The following C12orf76 variants were observed in gnomAD, a reference collection of about 807,000 sequenced individuals.
C12orf76 encodes the protein chromosome 12 open reading frame 76.
A neutral mutation model predicts 6.8 loss-of-function variants in C12orf76; 6 were observed. That is an observed-to-expected ratio of 0.88 (90% CI 0.48 to 1.73). The LOEUF (loss-of-function observed/expected upper bound fraction) is 1.73, where lower values mean the gene tolerates loss of function less well. Among genes scored for constraint, C12orf76 ranks in the 40% most tolerant of loss-of-function variants. The pLI, the probability that C12orf76 is intolerant of heterozygous loss-of-function variation, is 0.01. For missense variants in C12orf76, 99 were observed against 98.2 expected (o/e 1.01, Z -0.03); for synonymous variants, 56 against 43.7 (o/e 1.28, Z -1.11).
chr12:110,057,455 A>G (rs79078371), intron 3 of C12orf76, among the ~76,000 whole-genome samples: 2,573 of 152,228 alleles, frequency 0.017, 35 homozygotes, highest in South Asian at 0.053. Flanking sequence ...CGGCACGGAG[A>G]AGCTGAGCAT....
chr12:110,065,094 C>T (rs1892835822), intron 2 of C12orf76, among the ~76,000 whole-genome samples: 1 of 151,486 alleles, frequency 6.6e-6, no homozygotes, highest in South Asian at 2.1e-4. Flanking sequence ...TGCCTGAGAT[C>T]CTTTATTTAT....
intron 4 of C12orf76, chr12:110,057,048 T>C (rs1593248109): frequency 3.1e-6 from 2 of 636,594 alleles, no homozygotes; most frequent in East Asian, 2.8e-5. Flanking sequence ...GAAATAAGGA[T>C]GGAGGGTGAG....
chr12:110,045,937 C>A, intron 1 of C12orf76: 1 of 218,336 alleles, frequency 4.6e-6, no homozygotes, highest in Non-Finnish European at 9.9e-6. Context: ...CCAGATTGGG[C>A]AACAGAGTGA....
chr12:110,069,834 G>A (rs1892939175), upstream of C12orf76, among the ~76,000 whole-genome samples: 1 of 152,182 alleles, frequency 6.6e-6, no homozygotes, highest in Non-Finnish European at 1.5e-5. Context: ...CATGGAACAT[G>A]TATAACTGAA....
chr12:110,068,329 AAGG>A (rs1179520999), upstream of C12orf76, among the ~76,000 whole-genome samples: 41 of 127,218 alleles, frequency 3.2e-4, 2 homozygotes, highest in South Asian at 9.3e-4. Context: ...GAAGAAGAAG[AAGG>A]CGGCCAAATA....
Position 110,048,385 on chromosome 12 carries a change from C to T in C12orf76, c.111G>A (p.Ala37=). The change falls in exon 1 of 2, where the codon GCG becomes GCA. Residue 37 remains alanine, a synonymous_variant. Coordinates refer to ENST00000615315, the MANE Select transcript of C12orf76 (RefSeq NM_001389625.1). ...CACCCAGGTTCTGCCCTCGCAGCAC[C>T]GCGTACGGCCGGCTCCGCTCCAGCG... ...VDPLERSRPY[A]VLRGQNLVLM... is the part of the protein sequence containing the mutation. 6.6e-7 allele frequency: 1 copy of T among 1,515,220 alleles called. No homozygotes were observed. The highest frequency in any genetic ancestry group is 8.8e-7 in the Non-Finnish European group (1 of 1,136,996). The allele number at this position is 1,515,220 out of a possible 1,614,324, so 93.9% of individuals were successfully genotyped here.
intron 1 of C12orf76, among the ~76,000 whole-genome samples, chr12:110,072,924 G>A (rs576159257): frequency 9.3e-5 from 14 of 150,966 alleles, no homozygotes; most frequent in South Asian, 2.1e-4. Flanking sequence ...CTCCAGCCTG[G>A]GGTACAAGAG....
chr12:110,047,509 G>C (rs562720237), intron 1 of C12orf76, among the ~76,000 whole-genome samples: 232 of 151,956 alleles, frequency 1.5e-3, no homozygotes, highest in Non-Finnish European at 2.9e-3. Flanking sequence ...TCTACAAAAA[G>C]TAAACAACAA....
At chr12:110,068,313 GAA>G (rs1892913429), upstream of C12orf76, among the ~76,000 whole-genome samples, 54 of 145,876 alleles carry the variant, frequency 3.7e-4, 2 homozygotes, top group African/African-American at 1.2e-3. Flanking sequence ...AGAAGAAGAA[GAA>G]GAAGAAGAAG....
At chr12:110,056,349 C>T (rs1892666181) in intron 4 of C12orf76, among the ~76,000 whole-genome samples, 1 of 152,116 alleles carries the variant, frequency 6.6e-6, no homozygotes, top group Non-Finnish European at 1.5e-5. Flanking sequence ...GACCTTTTTG[C>T]TCTAAGAGGC....
Position 110,048,476 on chromosome 12 carries a change from G to T in C12orf76, c.20C>A (p.Pro7Gln), listed in dbSNP as rs574102671. 5 of 1,458,456 alleles carry T rather than the reference G, an allele frequency of 3.4e-6. No individual in the cohort carries two copies. The African/African-American group carries it at 7.3e-5, about 21-fold the overall frequency. The allele number at this position is 1,458,456 out of a possible 1,614,324, so 90.3% of individuals were successfully genotyped here. A position where few individuals can be genotyped will look rare whatever the true frequency, so the allele number is the denominator to read the frequency against. MLRPAL[P>Q]WLYLGLCSLL... ...GCTGCAGAGGCCAAGGTACAGCCAC[G>T]GTAACGCTGGACGCAGCATCTTCCC... is the stretch of plus-strand genomic sequence containing the variant. Residue 7 changes from proline (P) to glutamine (Q), a missense_variant, in exon 1 of 2, where the codon CCG becomes CAG. Pro to Gln is a moderately conservative substitution (Grantham distance 76). Coordinates refer to ENST00000615315, the MANE Select transcript of C12orf76 (RefSeq NM_001389625.1).
exon 2 of C12orf76, chr12:110,065,920 A>C (rs1355444715): frequency 6.2e-7 from 1 of 1,613,668 alleles, no homozygotes. Context: ...CTTTGCATTT[A>C]CTGTTCTCTT....
intron 1 of C12orf76, among the ~76,000 whole-genome samples, chr12:110,066,774 C>T (rs575656971): frequency 3.9e-5 from 6 of 152,312 alleles, no homozygotes; most frequent in African/African-American, 1.4e-4. Context: ...CCCCGACCTC[C>T]GTGCTGGGCT....
upstream of C12orf76, chr12:110,050,716 TA>T (rs1343702723): frequency 8.9e-6 from 4 of 450,820 alleles, no homozygotes. Context: ...GAAATAATCA[TA>T]AAAATGCCTA....
rs2137209202 is a variant in C12orf76, at chr12:110,041,927, A to C, written c.*447T>G. On this transcript the variant is annotated 3_prime_UTR_variant, in exon 2 of 2. Transcript: ENST00000615315. ...GGCTAACTCAGGTGAGATTAAAAAA[A>C]AAAATCTGTGATTCTTAACCCACTG... is the stretch of plus-strand genomic sequence containing the variant. 1 of 164,106 alleles carries C rather than the reference A, an allele frequency of 6.1e-6. No individual in the cohort carries two copies. The allele number at this position is 164,106 out of a possible 1,614,324, so 10.2% of individuals were successfully genotyped here. A position where few individuals can be genotyped will look rare whatever the true frequency, so the allele number is the denominator to read the frequency against.
At chr12:110,045,438 T>C (rs1181442757) in intron 1 of C12orf76, among the ~76,000 whole-genome samples, 2 of 151,960 alleles carry the variant, frequency 1.3e-5, no homozygotes, top group Middle Eastern at 3.4e-3. Context: ...ATACAAAAAT[T>C]AGCTGGGCAT....
At chr12:110,047,416 C>T (rs1263972534) in intron 1 of C12orf76, among the ~76,000 whole-genome samples, 2 of 152,154 alleles carry the variant, frequency 1.3e-5, no homozygotes, top group African/African-American at 2.4e-5. Flanking sequence ...ACATCAGGTG[C>T]GGTGGCTCAC....
upstream of C12orf76, chr12:110,050,975 G>T (rs1036004894): frequency 1.3e-6 from 1 of 747,398 alleles, no homozygotes; most frequent in South Asian, 1.4e-5. Flanking sequence ...GTTGGGGTCC[G>T]TTAACACTAC....
In C12orf76 at chr12:110,042,268, A is replaced by C; in HGVS notation, c.*106T>G. 5 of 840,816 alleles carry C rather than the reference A, an allele frequency of 5.9e-6. No individual in the cohort carries two copies. The allele number at this position is 840,816 out of a possible 1,614,324, so 52.1% of individuals were successfully genotyped here. On this transcript the variant is annotated 3_prime_UTR_variant, in exon 2 of 2. Transcript: ENST00000615315. ...TAGCATTTACCAACTGTCCAGACCA[A>C]AGGTCATTTCCAAGTAGGAAAGTTT...
Sources: allele counts gnomAD v4.1 joint callset (sites outside exome capture counted in the v4.1 genomes callset), GRCh38; gene constraint gnomAD v4.1.1; transcripts MANE v1.5; gene names NCBI Gene and HGNC (gene_info 2026-07-23, HGNC 2026-07-21).